FGF12: variants seen among roughly 807,000 people sequenced by gnomAD.
FGF12 encodes the protein fibroblast growth factor 12.
FGF12 carries 14 observed loss-of-function variants against 23.6 expected under a neutral mutation model. That is an observed-to-expected ratio of 0.59 (90% CI 0.39 to 0.93). The LOEUF (loss-of-function observed/expected upper bound fraction) is 0.93, where lower values mean the gene tolerates loss of function less well. Ranked by LOEUF, FGF12 falls within the 40% of genes least tolerant of loss-of-function variation. The pLI is 0.00. For missense variants in FGF12, 175 were observed against 217.8 expected, an observed-to-expected ratio of 0.80 and a Z score of 1.24; for synonymous variants, 62 against 77.3, an observed-to-expected ratio of 0.80 and a Z score of 1.04.
rs1238309076 is a variant in FGF12, at chr3:192,141,677, T to C, written c.*2332A>G. ...GAAAATGGAGGAATTTTGTTAGTGA[T>C]TCATATCTCTATTTTTTTCATAACA... On this transcript the variant is annotated 3_prime_UTR_variant, in exon 6 of 6. Coordinates refer to ENST00000445105, the MANE Select transcript of FGF12 (RefSeq NM_004113.6). 6.6e-6 allele frequency: 1 copy of C among 152,066 alleles called. No individual in the cohort carries two copies. Among genetic ancestry groups the C allele is most frequent in the Non-Finnish European group, 1.5e-5 (1 of 67,904 alleles). The allele number at this position is 152,066 out of a possible 1,614,324, so 9.4% of individuals were successfully genotyped here.
At position 192,170,529 on chromosome 3, in the gene FGF12, C is replaced by T; in HGVS notation, c.356G>A (p.Gly119Asp). Residue 119 changes from glycine (G) to aspartate (D), a missense_variant, in exon 5 of 6, where the codon GGT becomes GAT. Gly to Asp is a moderately conservative substitution (Grantham distance 94, BLOSUM62 -1). Transcript: ENST00000445105. The stretch of plus-strand genomic sequence containing the variant: ...CACTCTGTTCCCCTTCATAATTTGA[C>T]CTTCTTTATTGAGTCCCAGAAACCA... The part of the protein sequence containing the change: ...RAWFLGLNKE[G>D]QIMKGNRVKK... The T allele has an allele frequency of 6.2e-7, 1 of 1,613,994 alleles. No individual in the cohort carries two copies. The highest frequency in any genetic ancestry group is 8.5e-7 in the Non-Finnish European group (1 of 1,179,998).
chr3:192,526,763 G>A (rs1724955467), intron 2 of FGF12, among the ~76,000 whole-genome samples: 1 of 152,146 alleles, frequency 6.6e-6, no homozygotes, highest in African/African-American at 2.4e-5. Context: ...ATATGATTCT[G>A]TTTCTTTAGA....
chr3:192,231,584 A>G (rs1719023020), intron 4 of FGF12, among the ~76,000 whole-genome samples: 1 of 152,038 alleles, frequency 6.6e-6, no homozygotes, highest in South Asian at 2.1e-4. Flanking sequence ...AGCCTGGACA[A>G]CATGGTGAAA....
chr3:192,388,148 A>C (rs1047143226), intron 2 of FGF12, among the ~76,000 whole-genome samples: 1 of 151,910 alleles, frequency 6.6e-6, no homozygotes, highest in Non-Finnish European at 1.5e-5. Flanking sequence ...GTAGTCCCAG[A>C]TACTTGGGAG....
intron 2 of FGF12, among the ~76,000 whole-genome samples, chr3:192,608,469 G>T (rs536629540): frequency 6.6e-6 from 1 of 152,012 alleles, no homozygotes; most frequent in East Asian, 1.9e-4. Flanking sequence ...AAAAGGAGAG[G>T]AATATGTACC....
chr3:192,537,613 G>T lies in FGF12; in HGVS notation c.14-177075C>A, dbSNP rs117787487. On this transcript the variant is annotated intron_variant, in intron 2 of 5. Coordinates refer to ENST00000445105, the MANE Select transcript of FGF12 (RefSeq NM_004113.6). ...TCTTCTTTTGAGAAATGTCTATTCAGATATTCATGTATTTTTTATTCAGAT... is the reference window on the plus strand; with the variant it reads ...TCTTCTTTTGAGAAATGTCTATTCATATATTCATGTATTTTTTATTCAGAT... Among the ~76,000 whole-genome samples, 664 of 152,224 alleles carry T rather than the reference G, an allele frequency of 4.4e-3. 14 individuals are homozygous for T. The highest frequency in any genetic ancestry group is 0.037 in the East Asian group (194 of 5,184).
chr3:192,355,733 G>GT, intron 3 of FGF12, among the ~76,000 whole-genome samples: 1 of 152,330 alleles, frequency 6.6e-6, no homozygotes, highest in East Asian at 1.9e-4. Context: ...TACTATCTTA[G>GT]TAATTCTTTT....
chr3:192,204,271 C>G (rs1302220518), intron 4 of FGF12, among the ~76,000 whole-genome samples: 1 of 152,114 alleles, frequency 6.6e-6, no homozygotes, highest in Non-Finnish European at 1.5e-5. Flanking sequence ...TCTCAACATG[C>G]AAAGCTGTAC....
In FGF12 at chr3:192,192,084, G is replaced by T. The variant is rs1483813555; in HGVS notation, c.229-21428C>A. 3.3e-5 allele frequency among the ~76,000 whole-genome samples: 5 copies of T among 152,278 alleles called. No individual in the cohort carries two copies. The East Asian group carries it at 9.7e-4, about 29-fold the overall frequency. On this transcript the variant is annotated intron_variant, in intron 4 of 5. Transcript: ENST00000445105. ...ATAAACCTTCAGGACAAACTCTAGA[G>T]AAATCATTCTTCAATCTCATTGGAT... is the stretch of plus-strand genomic sequence containing the variant.
chr3:192,176,037 T>C (rs1230187284), intron 4 of FGF12, among the ~76,000 whole-genome samples: 1 of 152,196 alleles, frequency 6.6e-6, no homozygotes, highest in Non-Finnish European at 1.5e-5. Flanking sequence ...CTCATCTGAA[T>C]GGAATTCCCC....
intron 2 of FGF12, among the ~76,000 whole-genome samples, chr3:192,362,328 G>C (rs1718769393): frequency 6.6e-6 from 1 of 152,094 alleles, no homozygotes; most frequent in South Asian, 2.1e-4. Flanking sequence ...ATGCTGGTTG[G>C]CTGCACCCAT....
At chr3:192,689,014 T>G (rs1428521676) in intron 2 of FGF12, among the ~76,000 whole-genome samples, 1 of 152,206 alleles carries the variant, frequency 6.6e-6, no homozygotes. Flanking sequence ...CTCACTCATA[T>G]GTGGGAGCTA....
At chr3:192,566,226 T>G (rs190506076) in intron 2 of FGF12, among the ~76,000 whole-genome samples, 64 of 152,354 alleles carry the variant, frequency 4.2e-4, no homozygotes, top group African/African-American at 1.5e-3. Context: ...AGAGCCAAAT[T>G]GAGGGATCTC....
chr3:192,606,284 A>G lies in FGF12; in HGVS notation c.13+120897T>C, dbSNP rs146232413. Among the ~76,000 whole-genome samples, 7 of 152,264 alleles carry G rather than the reference A, an allele frequency of 4.6e-5. No individual in the cohort carries two copies. In the East Asian group the frequency reaches 1.4e-3, roughly 29 times the overall value. On this transcript the variant is annotated intron_variant, in intron 2 of 5. Coordinates refer to ENST00000445105, the MANE Select transcript of FGF12 (RefSeq NM_004113.6). The stretch of plus-strand genomic sequence containing the variant: ...TTAATGCATGAACAGAAAACCAAAT[A>G]CTGCATGTTCTCGCTTACAAATGGG...
At chr3:192,480,522 G>A (rs961519998) in intron 2 of FGF12, among the ~76,000 whole-genome samples, 1 of 152,164 alleles carries the variant, frequency 6.6e-6, no homozygotes, top group Non-Finnish European at 1.5e-5. Context: ...TTTCCAAGAG[G>A]AATCTGAGAC....
intron 2 of FGF12, among the ~76,000 whole-genome samples, chr3:192,368,833 T>C (rs1427734243): frequency 6.6e-6 from 1 of 152,182 alleles, no homozygotes; most frequent in Non-Finnish European, 1.5e-5. Flanking sequence ...ACAGACCCTT[T>C]AATGAGAAAG....
chr3:192,273,705 C>T (rs561136107), intron 4 of FGF12, among the ~76,000 whole-genome samples: 58 of 152,256 alleles, frequency 3.8e-4, no homozygotes, highest in Admixed American at 1.1e-3. Flanking sequence ...CGTGTCAAGG[C>T]TTCGGAAAAT....
intron 2 of FGF12, among the ~76,000 whole-genome samples, chr3:192,484,479 C>T (rs1307276808): frequency 6.6e-6 from 1 of 152,122 alleles, no homozygotes; most frequent in East Asian, 1.9e-4. Flanking sequence ...AAGCAAAATA[C>T]AGCCTGTTGT....
At chr3:192,221,621 G>A (rs1205864319) in intron 4 of FGF12, among the ~76,000 whole-genome samples, 1 of 152,104 alleles carries the variant, frequency 6.6e-6, no homozygotes, top group Non-Finnish European at 1.5e-5. Flanking sequence ...TGGACGAAGT[G>A]ACTTAGGAAG....
Sources: allele counts gnomAD v4.1 joint callset (sites outside exome capture counted in the v4.1 genomes callset), GRCh38; gene constraint gnomAD v4.1.1; transcripts MANE v1.5; gene names NCBI Gene and HGNC (gene_info 2026-07-23, HGNC 2026-07-21).